COL22A1: variants seen among roughly 807,000 people sequenced by gnomAD.
The protein encoded by COL22A1 is collagen type XXII alpha 1 chain.
A neutral mutation model predicts 248.9 loss-of-function variants in COL22A1; 221 were observed. That is an observed-to-expected ratio of 0.89 (90% CI 0.80 to 0.99). The LOEUF (loss-of-function observed/expected upper bound fraction) is 0.99, where lower values mean the gene tolerates loss of function less well. COL22A1 is among the 50% of genes least tolerant of loss of function. The pLI is 0.00. For missense variants in COL22A1, 2,240 were observed against 2,179.0 expected (o/e 1.03, Z -0.56); for synonymous variants, 891 against 793.4 (o/e 1.12, Z -2.07).
At chr8:138,673,517 A>G (rs1825235699) in intron 41 of COL22A1, among the ~76,000 whole-genome samples, 1 of 152,156 alleles carries the variant, frequency 6.6e-6, no homozygotes, top group African/African-American at 2.4e-5. Flanking sequence ...CCCCAGCCGG[A>G]TCTATCCTTA....
rs1314314297 is a variant in COL22A1 at position 138,660,962 on chromosome 8, ACG to A, written c.3241-484_3241-483del. On this transcript the variant is annotated intron_variant, in intron 43 of 64. Transcript: ENST00000303045. ...CACACACATAAACACACAGACACAC[ACG>A]CACACACACATACACACACACATAC... Among the ~76,000 whole-genome samples, 29 of 62,092 alleles carry A rather than the reference ACG, an allele frequency of 4.7e-4. No individual in the cohort carries two copies. In the East Asian group the frequency reaches 9.6e-3, roughly 21 times the overall value. 40.7% of individuals were successfully genotyped at this position (62,092 alleles called of 152,430 possible). A position where few individuals can be genotyped will look rare whatever the true frequency, so the allele number is the denominator to read the frequency against.
At chr8:138,738,775 C>T (rs1178672030) in intron 22 of COL22A1, among the ~76,000 whole-genome samples, 2 of 152,178 alleles carry the variant, frequency 1.3e-5, no homozygotes, top group Admixed American at 6.5e-5. Context: ...TACAAAATAA[C>T]TCTAAGTGTA....
At chr8:138,781,045 GT>G in intron 12 of COL22A1, 65 bp from the exon 13 acceptor site, 2 of 1,165,490 alleles carry the variant, frequency 1.7e-6, no homozygotes, top group Non-Finnish European at 2.5e-6. Flanking sequence ...CAGAATGCTA[GT>G]GCAGTGGAGA....
Position 138,760,302 on chromosome 8 carries a change from G to A in COL22A1, c.1858-15C>T. On this transcript the variant is annotated splice_polypyrimidine_tract_variant and intron_variant, in intron 17 of 64. Transcript: ENST00000303045. ...CCGGGCCTGCCCTGGAGGAAAGAAA[G>A]AAAAGGCAGATTATGATGGGCACTA... 6.3e-7 allele frequency: 1 copy of A among 1,598,024 alleles called. No homozygotes were observed. The highest frequency in any genetic ancestry group is 1.7e-5 in the Admixed American group (1 of 58,350).
intron 14 of COL22A1, 61 bp downstream of exon 14, chr8:138,779,448 C>A: frequency 8.2e-7 from 1 of 1,213,564 alleles, no homozygotes; most frequent in South Asian, 1.2e-5. Flanking sequence ...AAGCAACTGG[C>A]TTTGCACTGG....
chr8:138,793,162 C>T (rs1476870805), intron 12 of COL22A1, among the ~76,000 whole-genome samples: 2 of 152,188 alleles, frequency 1.3e-5, no homozygotes, highest in Non-Finnish European at 2.9e-5. Context: ...CTCTGGTCTA[C>T]CCAATACCCT....
rs1346920980 is a variant in COL22A1, at chr8:138,877,952, G to A, written c.456C>T (p.Gly152=). Residue 152 remains glycine (G), a synonymous_variant, in exon 3 of 65, where the codon GGC becomes GGT. Transcript: ENST00000303045. ...CGTCCAGCACCAGGTCCTGGCTGCG[G>A]CCGTCGGTGAGCAGGATGGCCACCT... ...YKQVAILLTD[G]RSQDLVLDAA... 1 of 1,596,292 alleles carries A rather than the reference G, an allele frequency of 6.3e-7. No individual in the cohort carries two copies. The highest frequency in any genetic ancestry group is 8.5e-7 in the Non-Finnish European group (1 of 1,171,220).
At chr8:138,697,924 G>T (rs1827643304) in intron 32 of COL22A1, among the ~76,000 whole-genome samples, 1 of 152,166 alleles carries the variant, frequency 6.6e-6, no homozygotes, top group South Asian at 2.1e-4. Context: ...TTCCTTGTTT[G>T]CATCTGAGAG....
chr8:138,642,872 T>C (rs1053456702), intron 47 of COL22A1, among the ~76,000 whole-genome samples: 8 of 151,742 alleles, frequency 5.3e-5, no homozygotes, highest in African/African-American at 1.9e-4. Flanking sequence ...CTACTAAAAA[T>C]ACAAAAATTA....
At chr8:138,855,691 G>A (rs1003652748) in intron 3 of COL22A1, among the ~76,000 whole-genome samples, 7 of 152,200 alleles carry the variant, frequency 4.6e-5, no homozygotes, top group South Asian at 2.1e-4. Context: ...TCTGAGCAAC[G>A]ATTGTGCCCG....
intron 3 of COL22A1, among the ~76,000 whole-genome samples, chr8:138,850,489 G>A (rs957410749): frequency 9.9e-5 from 15 of 152,086 alleles, no homozygotes; most frequent in Middle Eastern, 3.4e-3. Flanking sequence ...AGAAAGATGC[G>A]GCACGAAGAA....
chr8:138,910,591 A>T (rs967622492), intron 1 of COL22A1, among the ~76,000 whole-genome samples: 4 of 152,060 alleles, frequency 2.6e-5, no homozygotes, highest in Admixed American at 2.6e-4. Context: ...AGTTATCTTT[A>T]TCTGGTAACC....
intron 12 of COL22A1, among the ~76,000 whole-genome samples, chr8:138,787,059 T>C (rs1158759964): frequency 2.0e-5 from 3 of 152,208 alleles, no homozygotes; most frequent in Non-Finnish European, 4.4e-5. Flanking sequence ...AATGTGAACA[T>C]AATTTGCAGA....
intron 45 of COL22A1, among the ~76,000 whole-genome samples, chr8:138,655,005 T>C (rs1393323614): frequency 2.6e-5 from 4 of 152,192 alleles, no homozygotes; most frequent in Non-Finnish European, 5.9e-5. Flanking sequence ...ACTCTGCCGC[T>C]GGCCCTCCTT....
chr8:138,857,313 C>A (rs2131937167), intron 3 of COL22A1, among the ~76,000 whole-genome samples: 1 of 152,348 alleles, frequency 6.6e-6, no homozygotes. Context: ...TGGGGAGAAG[C>A]TTCAGAAGAT....
At chr8:138,692,918 T>C (rs1827203168) in intron 35 of COL22A1, among the ~76,000 whole-genome samples, 1 of 152,136 alleles carries the variant, frequency 6.6e-6, no homozygotes, top group Non-Finnish European at 1.5e-5. Flanking sequence ...GGCCTGGTCA[T>C]ATCAGCACCC....
At chr8:138,697,297 C>CT (rs770845514) in intron 32 of COL22A1, among the ~76,000 whole-genome samples, 9 of 152,216 alleles carry the variant, frequency 5.9e-5, no homozygotes, top group Non-Finnish European at 1.2e-4. Context: ...TCTCTGCAGG[C>CT]TTTGGTCATT....
chr8:138,614,771 C>T (rs1819180323), intron 55 of COL22A1, among the ~76,000 whole-genome samples: 1 of 152,146 alleles, frequency 6.6e-6, no homozygotes, highest in South Asian at 2.1e-4. Context: ...CACAGGGCTC[C>T]ACACACTGAT....
intron 37 of COL22A1, among the ~76,000 whole-genome samples, chr8:138,686,497 C>T (rs1233361880): frequency 1.3e-5 from 2 of 152,210 alleles, no homozygotes; most frequent in East Asian, 3.9e-4. Context: ...ATGGAGAGGG[C>T]CTCTCTCCAA....
Sources: allele counts gnomAD v4.1 joint callset (sites outside exome capture counted in the v4.1 genomes callset), GRCh38; gene constraint gnomAD v4.1.1; transcripts MANE v1.5; gene names NCBI Gene and HGNC (gene_info 2026-07-23, HGNC 2026-07-21).